Variants in ARHGAP15 observed in about 807,000 individuals in gnomAD.
The protein encoded by ARHGAP15 is rho GTPase-activating protein 15.
In ARHGAP15, 51 loss-of-function variants were observed where a neutral mutation model predicts 63.7. The ratio of observed to expected loss-of-function variants is 0.80; its 90% CI spans 0.64 to 1.01. ARHGAP15 has a LOEUF of 1.01. Ranked by LOEUF, ARHGAP15 falls within the 50% of genes least tolerant of loss-of-function variation. The pLI, the probability that ARHGAP15 is intolerant of heterozygous loss-of-function variation, is 0.00. For synonymous variants in ARHGAP15, 191 were observed against 193.8 expected (o/e 0.99, Z 0.12); for missense variants, 560 against 564.6 (o/e 0.99, Z 0.08).
intron 8 of ARHGAP15, among the ~76,000 whole-genome samples, chr2:143,469,349 A>G (rs1691402130): frequency 6.6e-6 from 1 of 152,222 alleles, no homozygotes. Flanking sequence ...CAGATAAAAG[A>G]ATGAAATGCA....
chr2:143,236,498 C>A (rs1203020192), intron 5 of ARHGAP15: 2 of 152,080 alleles, frequency 1.3e-5, no homozygotes, highest in African/African-American at 2.4e-5. Context: ...CAGACTGAAA[C>A]AAATAGAAAG....
chr2:143,716,718 G>A (rs1684828068), intron 13 of ARHGAP15, among the ~76,000 whole-genome samples: 2 of 152,236 alleles, frequency 1.3e-5, no homozygotes. Flanking sequence ...ACCACACTCT[G>A]CTTTCTTGCC....
intron 11 of ARHGAP15, among the ~76,000 whole-genome samples, chr2:143,612,497 A>G (rs1238682044): frequency 1.3e-5 from 2 of 152,126 alleles, no homozygotes; most frequent in African/African-American, 4.8e-5. Context: ...ACAAAATCCT[A>G]TGCACTTCTC....
intron 2 of ARHGAP15, among the ~76,000 whole-genome samples, chr2:143,195,218 CA>C (rs369012112): frequency 2.1e-4 from 30 of 145,408 alleles, no homozygotes; most frequent in South Asian, 4.3e-4. Flanking sequence ...GCCCCCCTCC[CA>C]AAAAAAAAAG....
chr2:143,540,056 G>A (rs993258526), intron 10 of ARHGAP15, among the ~76,000 whole-genome samples: 2 of 152,136 alleles, frequency 1.3e-5, no homozygotes, highest in African/African-American at 4.8e-5. Context: ...TTATGAATCT[G>A]GATGCTCCTG....
At chr2:143,673,752 G>GTATATATATATATATATATATA (rs1158257230) in intron 12 of ARHGAP15, among the ~76,000 whole-genome samples, 1 of 32,936 alleles carries the variant, frequency 3.0e-5, no homozygotes, top group Admixed American at 5.4e-4. Context: ...GTGTGTGTGT[G>GTATATATATATATATATATATA]TGTGTGTATA....
intron 10 of ARHGAP15, among the ~76,000 whole-genome samples, chr2:143,542,562 T>TTG (rs963741409): frequency 1.0e-4 from 15 of 149,218 alleles, no homozygotes; most frequent in East Asian, 7.8e-4. Context: ...AGTATTCCAT[T>TTG]TGTGTGTGTG....
chr2:143,720,441 C>T (rs956967232), intron 13 of ARHGAP15, among the ~76,000 whole-genome samples: 1 of 152,236 alleles, frequency 6.6e-6, no homozygotes, highest in African/African-American at 2.4e-5. Flanking sequence ...AGCGAAAGGC[C>T]TCACCTCTCG....
chr2:143,766,938 CT>C (rs1384319555), intron 13 of ARHGAP15: 2 of 152,184 alleles, frequency 1.3e-5, no homozygotes, highest in Non-Finnish European at 2.9e-5. Flanking sequence ...AGAGAGGCCT[CT>C]AAAGTCCAAC....
At chr2:143,683,082 C>T (rs906245513) in intron 12 of ARHGAP15, 6 of 152,134 alleles carry the variant, frequency 3.9e-5, no homozygotes, top group East Asian at 1.9e-4. Context: ...TTTAAGCCTT[C>T]GTCGAGTCTT....
intron 6 of ARHGAP15, among the ~76,000 whole-genome samples, chr2:143,324,473 T>C (rs776982169): frequency 1.4e-4 from 22 of 152,228 alleles, no homozygotes; most frequent in Non-Finnish European, 2.6e-4. Flanking sequence ...GAAATACTTA[T>C]TAGTTTGTAA....
At chr2:143,486,777 G>A (rs1692346008) in intron 8 of ARHGAP15, among the ~76,000 whole-genome samples, 2 of 152,124 alleles carry the variant, frequency 1.3e-5, no homozygotes, top group African/African-American at 4.8e-5. Context: ...ACTGAGGAGA[G>A]GGGACTAATG....
intron 2 of ARHGAP15, among the ~76,000 whole-genome samples, chr2:143,187,459 A>G (rs1337372323): frequency 6.6e-6 from 1 of 152,208 alleles, no homozygotes; most frequent in Non-Finnish European, 1.5e-5. Flanking sequence ...TTCGATGATA[A>G]TACTAGCTAA....
At chr2:143,325,801 A>G (rs1185656398) in intron 6 of ARHGAP15, among the ~76,000 whole-genome samples, 1 of 152,178 alleles carries the variant, frequency 6.6e-6, no homozygotes, top group Non-Finnish European at 1.5e-5. Context: ...CATTATTTAA[A>G]TACTTGATTT....
intron 6 of ARHGAP15, among the ~76,000 whole-genome samples, chr2:143,286,358 G>A (rs776720025): frequency 1.6e-4 from 25 of 152,220 alleles, no homozygotes; most frequent in Non-Finnish European, 7.4e-5. Context: ...GATCAGATCC[G>A]TTTTTCCTCT....
At chr2:143,711,579 C>T (rs556916650) in intron 13 of ARHGAP15, among the ~76,000 whole-genome samples, 30 of 152,254 alleles carry the variant, frequency 2.0e-4, no homozygotes, top group Admixed American at 5.2e-4. Context: ...GAGCCTCTAA[C>T]GTTGTAAACA....
intron 5 of ARHGAP15, among the ~76,000 whole-genome samples, chr2:143,231,638 C>T (rs1443501618): frequency 6.6e-6 from 1 of 152,192 alleles, no homozygotes; most frequent in Non-Finnish European, 1.5e-5. Flanking sequence ...GGTTACTTTC[C>T]TTTCTCACTG....
chr2:143,184,894 A>T (rs924794597), intron 2 of ARHGAP15, among the ~76,000 whole-genome samples: 1 of 150,468 alleles, frequency 6.6e-6, no homozygotes, highest in Non-Finnish European at 1.5e-5. Context: ...TGTGGCTCAG[A>T]CTGGTCTCAC....
At chr2:143,308,477 A>AACACACAC (rs4008341) in intron 6 of ARHGAP15, among the ~76,000 whole-genome samples, 89 of 149,278 alleles carry the variant, frequency 6.0e-4, no homozygotes, top group African/African-American at 2.1e-3. Flanking sequence ...GTTGATAAGA[A>AACACACAC]ACACACACAC....
Sources: allele counts gnomAD v4.1 joint callset (sites outside exome capture counted in the v4.1 genomes callset), GRCh38; gene constraint gnomAD v4.1.1; transcripts MANE v1.5; gene names NCBI Gene and HGNC (gene_info 2026-07-23, HGNC 2026-07-21).